The following TNR variants were observed in gnomAD, a reference collection of about 807,000 sequenced individuals.
TNR encodes tenascin-R.
In TNR, 45 loss-of-function variants were observed where a neutral mutation model predicts 150.4. The observed-to-expected ratio is 0.30, with a 90% CI of 0.24 to 0.38. The LOEUF (loss-of-function observed/expected upper bound fraction) is 0.38, where lower values mean the gene tolerates loss of function less well. Among genes scored for constraint, TNR ranks in the 10% least tolerant of loss-of-function variants. The probability of loss-of-function intolerance (pLI) is 1.00; values close to 1 mark genes in which losing one functional copy is unlikely to be tolerated. For missense variants in TNR, 1,544 were observed against 1,759.1 expected (o/e 0.88, Z 2.19); for synonymous variants, 687 against 678.4 (o/e 1.01, Z -0.20).
chr1:175,360,253 A>G (rs1358099352), intron 14 of TNR, among the ~76,000 whole-genome samples: 1 of 152,240 alleles, frequency 6.6e-6, no homozygotes, highest in Non-Finnish European at 1.5e-5. Flanking sequence ...CAGAGAACAT[A>G]GAAGATCCAC....
chr1:175,369,532 T>C (rs1651997265), intron 9 of TNR, among the ~76,000 whole-genome samples: 1 of 152,210 alleles, frequency 6.6e-6, no homozygotes, highest in South Asian at 2.1e-4. Flanking sequence ...CTCTACTGCA[T>C]CTCTAAAGAC....
intron 2 of TNR, among the ~76,000 whole-genome samples, chr1:175,443,458 C>T (rs958117667): frequency 3.2e-4 from 48 of 152,270 alleles, no homozygotes. Flanking sequence ...TCAGGTCTTC[C>T]AGTCAATGCT....
intron 2 of TNR, among the ~76,000 whole-genome samples, chr1:175,426,896 A>G (rs1448566287): frequency 1.4e-5 from 1 of 69,670 alleles, no homozygotes; most frequent in Non-Finnish European, 2.6e-5. Context: ...ATAAATATAT[A>G]TAAAATATAT....
In TNR at chr1:175,585,956, G is replaced by A. The variant is rs551421049; in HGVS notation, c.-164-57587C>T. ...CAGCTAGGATGCCCTAAGCACTGAG[G>A]TGTGCCAAAACTTGGGCACACTTGT... is the stretch of plus-strand genomic sequence containing the variant. On this transcript the variant is annotated intron_variant, in intron 1 of 22. Transcript: ENST00000367674. Among the ~76,000 whole-genome samples the A allele has an allele frequency of 7.2e-5, 11 of 152,318 alleles. No individual in the cohort carries two copies. In the South Asian group the frequency reaches 8.3e-4, roughly 11 times the overall value.
intron 16 of TNR, 149 bp downstream of exon 16, chr1:175,356,170 T>C: frequency 4.5e-6 from 5 of 1,109,550 alleles, no homozygotes; most frequent in Non-Finnish European, 6.4e-6. Context: ...TTAGTTTCAC[T>C]GAATTTGGGC....
chr1:175,690,225 G>C (rs1231272683), intron 1 of TNR, among the ~76,000 whole-genome samples: 1 of 152,204 alleles, frequency 6.6e-6, no homozygotes, highest in Non-Finnish European at 1.5e-5. Flanking sequence ...TACCTACTAC[G>C]TGTGGGGTAC....
intron 1 of TNR, among the ~76,000 whole-genome samples, chr1:175,611,285 A>AT (rs1663589366): frequency 1.3e-5 from 2 of 151,742 alleles, no homozygotes; most frequent in Admixed American, 1.3e-4. Flanking sequence ...ACAAATGTTT[A>AT]TTTTTTTATT....
intron 20 of TNR, among the ~76,000 whole-genome samples, chr1:175,333,767 G>A (rs1310112207): frequency 6.6e-6 from 1 of 152,130 alleles, no homozygotes; most frequent in Non-Finnish European, 1.5e-5. Flanking sequence ...AAGAAGGAGT[G>A]GCCACTTCTC....
rs931271484 is a variant in TNR at position 175,420,657 on chromosome 1, C to T, written c.-63-13880G>A. On this transcript the variant is annotated intron_variant, in intron 2 of 22. Transcript: ENST00000367674. Reference sequence around the variant, plus strand: ...CAGAACACCTGGTATTTGTAGAGCTCATCTGAGTTTTCAAGGTGCTTTCAT... The same window carrying T: ...CAGAACACCTGGTATTTGTAGAGCTTATCTGAGTTTTCAAGGTGCTTTCAT... Among the ~76,000 whole-genome samples, 5 of 152,164 alleles carry T rather than the reference C, an allele frequency of 3.3e-5. No homozygotes were observed. The South Asian group carries it at 1.0e-3, about 32-fold the overall frequency.
intron 1 of TNR, among the ~76,000 whole-genome samples, chr1:175,640,947 A>G (rs1456625714): frequency 6.6e-6 from 1 of 152,136 alleles, no homozygotes; most frequent in East Asian, 1.9e-4. Context: ...GTGCTGCTGG[A>G]AAAAGGTAAC....
In TNR at chr1:175,497,478, T is replaced by C. The variant is rs138387566; in HGVS notation, c.-64+30791A>G. ...AATTGCTTCCAATTGTGCATTCTCT[T>C]GGATAAACCGATATCTGCTTAACAA... On this transcript the variant is annotated intron_variant, in intron 2 of 22. Transcript: ENST00000367674. Among the ~76,000 whole-genome samples the C allele has an allele frequency of 3.3e-5, 5 of 152,364 alleles. No homozygotes were observed. The East Asian group carries it at 9.6e-4, about 29-fold the overall frequency.
chr1:175,469,117 C>T (rs190472074), intron 2 of TNR, among the ~76,000 whole-genome samples: 3 of 151,992 alleles, frequency 2.0e-5, no homozygotes, highest in Admixed American at 2.0e-4. Context: ...ACATTGAGCT[C>T]AGTTTGAGGC....
chr1:175,700,007 T>C (rs1448306118), intron 1 of TNR, among the ~76,000 whole-genome samples: 2 of 151,368 alleles, frequency 1.3e-5, no homozygotes, highest in East Asian at 3.9e-4. Context: ...TCATTAAAGG[T>C]AGTATCTATG....
chr1:175,667,694 G>C (rs963038968), intron 1 of TNR, among the ~76,000 whole-genome samples: 3 of 152,194 alleles, frequency 2.0e-5, no homozygotes, highest in African/African-American at 7.2e-5. Context: ...AAACAGCACA[G>C]GGAGCTGCAG....
At chr1:175,406,818 A>G (rs1653987319) in intron 2 of TNR, 41 bp from the exon 3 acceptor site, 1 of 1,458,418 alleles carries the variant, frequency 6.9e-7, no homozygotes. Flanking sequence ...TCTGAGACCT[A>G]TGCCTTGGCA....
intron 1 of TNR, among the ~76,000 whole-genome samples, chr1:175,611,311 C>A (rs1166483158): frequency 2.0e-5 from 3 of 151,996 alleles, no homozygotes; most frequent in Admixed American, 6.6e-5. Context: ...AGGCACCTAT[C>A]CTGGTCTCCA....
intron 14 of TNR, among the ~76,000 whole-genome samples, chr1:175,360,012 T>C (rs544533733): frequency 6.6e-6 from 1 of 152,340 alleles, no homozygotes; most frequent in Non-Finnish European, 1.5e-5. Context: ...CTGTGCCAGA[T>C]ACTAAAGAGG....
intron 1 of TNR, among the ~76,000 whole-genome samples, chr1:175,542,043 T>C (rs1246146795): frequency 6.6e-6 from 1 of 152,088 alleles, no homozygotes; most frequent in Non-Finnish European, 1.5e-5. Context: ...CTCCTGGCAC[T>C]AGGGTAAGAC....
At chr1:175,587,948 T>TA (rs1312732099) in intron 1 of TNR, among the ~76,000 whole-genome samples, 1 of 152,184 alleles carries the variant, frequency 6.6e-6, no homozygotes, top group African/African-American at 2.4e-5. Context: ...GCCTAAGTCA[T>TA]AAAGTGAAGA....
Sources: allele counts gnomAD v4.1 joint callset (sites outside exome capture counted in the v4.1 genomes callset), GRCh38; gene constraint gnomAD v4.1.1; transcripts MANE v1.5; gene names NCBI Gene and HGNC (gene_info 2026-07-23, HGNC 2026-07-21).